SGSM2: variants seen among roughly 807,000 people sequenced by gnomAD.
SGSM2 encodes RUN and TBC1 domain containing 1.
In SGSM2, 89 loss-of-function variants were observed where a neutral mutation model predicts 126.6. The ratio of observed to expected loss-of-function variants is 0.70; its 90% CI spans 0.59 to 0.84. The LOEUF is 0.84. Among genes scored for constraint, SGSM2 ranks in the 40% least tolerant of loss-of-function variants. SGSM2 has a pLI of 0.00. For missense variants in SGSM2, 1,404 were observed against 1,416.6 expected (o/e 0.99, Z 0.14); for synonymous variants, 614 against 574.3 (o/e 1.07, Z -0.99).
intron 2 of SGSM2, among the ~76,000 whole-genome samples, chr17:2,349,637 C>T (rs898857580): frequency 6.6e-6 from 1 of 152,056 alleles, no homozygotes; most frequent in Non-Finnish European, 1.5e-5. Context: ...TCAGAATAAT[C>T]CAGTGGTAGG....
chr17:2,340,219 A>G (rs760312364), intron 1 of SGSM2, among the ~76,000 whole-genome samples: 3 of 150,808 alleles, frequency 2.0e-5, no homozygotes, highest in Non-Finnish European at 4.4e-5. Flanking sequence ...GGTTCAAGCG[A>G]TTTCCCTGCC....
In SGSM2 at chr17:2,363,177, C is replaced by T; in HGVS notation, c.672+43C>T. 1 of 1,551,654 alleles carries T rather than the reference C, an allele frequency of 6.4e-7. No homozygotes were observed. The highest frequency in any genetic ancestry group is 8.7e-7 in the Non-Finnish European group (1 of 1,152,504). ...ACCCTTTGGGCTCATCTGGGCTATG[C>T]CCATGGGCCTGTAGGGACGGGAAAC... On this transcript the variant is annotated intron_variant, in intron 6 of 23. Coordinates refer to ENST00000268989, the MANE Select transcript of SGSM2 (RefSeq NM_014853.3). This position sits in a 1 kb window ranked among gnomAD's most constrained non-coding sequence, Gnocchi z 4.2.
At chr17:2,371,452 C>G (rs201154545) in intron 13 of SGSM2, 37 bp downstream of exon 13, 2 of 1,555,594 alleles carry the variant, frequency 1.3e-6, no homozygotes, top group Non-Finnish European at 1.7e-6. Context: ...TTCCCGTTAG[C>G]GTGTCCAGCC....
intron 17 of SGSM2, 155 bp downstream of exon 17, chr17:2,373,668 GCTAA>G (rs2065992298): frequency 9.3e-6 from 6 of 645,414 alleles, no homozygotes; most frequent in African/African-American, 3.7e-5. Flanking sequence ...ACTGGAAATG[GCTAA>G]CTGTGCCTCT....
intron 12 of SGSM2, among the ~76,000 whole-genome samples, chr17:2,368,910 C>G (rs1166258328): frequency 6.6e-6 from 1 of 152,162 alleles, no homozygotes; most frequent in Non-Finnish European, 1.5e-5. Flanking sequence ...CCTAGCAGAG[C>G]CCTTGGCAGA....
In SGSM2 at chr17:2,377,066, C is replaced by G. The variant is rs1393502623; in HGVS notation, c.2800C>G (p.Gln934Glu). Residue 934 changes from glutamine (Q) to glutamate (E), a missense_variant and splice_region_variant, in exon 21 of 24, where the codon CAG (glutamine) becomes GAG (glutamate). By Grantham distance (29) the Gln-to-Glu change is conservative. Coordinates refer to ENST00000268989, the MANE Select transcript of SGSM2 (RefSeq NM_014853.3). ...THFANMRSLI[Q>E]ILDSELFELM... ...CTTTGCCAACATGCGCTCCCTCATC[C>G]AGGTGAGGCCGGTTGCCACCCATGG... is the stretch of plus-strand genomic sequence containing the variant. 1.2e-6 allele frequency: 2 copies of G among 1,605,876 alleles called. No individual in the cohort carries two copies. Among genetic ancestry groups the G allele is most frequent in the South Asian group, 2.2e-5 (2 of 90,212 alleles).
In SGSM2 at chr17:2,337,935, G is replaced by T. The variant is rs552345031; in HGVS notation, c.57+190G>T. 7.9e-5 allele frequency among the ~76,000 whole-genome samples: 12 copies of T among 152,096 alleles called. No homozygotes were observed. In the East Asian group the frequency reaches 2.1e-3, roughly 27 times the overall value. On this transcript the variant is annotated intron_variant, in intron 1 of 23. Transcript: ENST00000268989. This position sits in a 1 kb window ranked among gnomAD's most constrained non-coding sequence, Gnocchi z 5.1. ...GAGGGCAGCGCCCCTCTGCCCGGGG[G>T]ACCCGGCCGGCGCTCCCGGCTTGTT...
chr17:2,372,886 GGGGC>G lies in SGSM2; in HGVS notation c.1789-66_1789-63del. ...CGCCCCAGCCCATTCTCCGTGGGAT[GGGGC>G]TCACCCAGCTGGGCCACGGTGACTG... On this transcript the variant is annotated intron_variant, in intron 15 of 23. Coordinates refer to ENST00000268989, the MANE Select transcript of SGSM2 (RefSeq NM_014853.3). The surrounding 1 kb of genome is among the most constrained non-coding windows in gnomAD (Gnocchi z 6.0). 2 of 1,530,318 alleles carry G rather than the reference GGGGC, an allele frequency of 1.3e-6. No individual in the cohort carries two copies. The highest frequency in any genetic ancestry group is 1.8e-6 in the Non-Finnish European group (2 of 1,134,910). The allele number at this position is 1,530,318 out of a possible 1,614,324, so 94.8% of individuals were successfully genotyped here.
chr17:2,354,739 T>C (rs1408854606), intron 2 of SGSM2, among the ~76,000 whole-genome samples: 2 of 152,250 alleles, frequency 1.3e-5, no homozygotes, highest in African/African-American at 4.8e-5. Context: ...AATATATGAA[T>C]GGATTCAGCA....
chr17:2,358,870 G>T (rs28553523), intron 2 of SGSM2, among the ~76,000 whole-genome samples: 2 of 81,612 alleles, frequency 2.5e-5, no homozygotes, highest in South Asian at 1.2e-3. Context: ...TGTTGTTGTT[G>T]TTGTTTTTTT....
At chr17:2,364,545 G>T in intron 8 of SGSM2, 51 bp from the exon 9 acceptor site, 1 of 1,593,064 alleles carries the variant, frequency 6.3e-7, no homozygotes. Flanking sequence ...AGGAAGGAAG[G>T]AAGGATGGCA....
chr17:2,364,297 G>A, intron 8 of SGSM2, 114 bp downstream of exon 8: 2 of 1,372,058 alleles, frequency 1.5e-6, no homozygotes, highest in South Asian at 2.5e-5. Flanking sequence ...TCTTTATTTG[G>A]ACGCCAAGAA....
intron 2 of SGSM2, among the ~76,000 whole-genome samples, chr17:2,358,473 G>A (rs2065170679): frequency 6.6e-6 from 1 of 152,230 alleles, no homozygotes; most frequent in East Asian, 1.9e-4. Flanking sequence ...GCTTTGGAAG[G>A]CTGAGGTGGA....
At chr17:2,358,873 G>GTTTTTT (rs759581510) in intron 2 of SGSM2, among the ~76,000 whole-genome samples, 49 of 88,172 alleles carry the variant, frequency 5.6e-4, no homozygotes, top group East Asian at 1.2e-3. Flanking sequence ...TGTTGTTGTT[G>GTTTTTT]TTTTTTTTTT....
intron 2 of SGSM2, among the ~76,000 whole-genome samples, chr17:2,360,122 C>A (rs8076193): frequency 0.13 from 19,431 of 152,124 alleles, 2,035 homozygotes; most frequent in African/African-American, 0.27. Flanking sequence ...GCGGGCGGAT[C>A]ACTTGAGGTC....
chr17:2,348,773 G>A (rs933349320), intron 2 of SGSM2, among the ~76,000 whole-genome samples: 4 of 151,962 alleles, frequency 2.6e-5, no homozygotes, highest in Admixed American at 6.6e-5. Flanking sequence ...GTTTTGTTTC[G>A]TTTTGTTTGA....
rs533054131 is a variant in SGSM2, at chr17:2,373,249, C to G, written c.1918-82C>G. ...CGTCTTGAGTCTGAGACTCAGGACCCAAGGTCCAGTGCAGGCCCAGCTCCT... is the reference window on the plus strand; with the variant it reads ...CGTCTTGAGTCTGAGACTCAGGACCGAAGGTCCAGTGCAGGCCCAGCTCCT... On this transcript the variant is annotated intron_variant, in intron 16 of 23. Transcript: ENST00000268989. 2.7e-3 allele frequency: 4,156 copies of G among 1,547,650 alleles called. 129 individuals are homozygous for G. The South Asian group carries it at 0.047, about 17-fold the overall frequency.
At chr17:2,356,980 A>C (rs1424517139) in intron 2 of SGSM2, among the ~76,000 whole-genome samples, 1 of 149,644 alleles carries the variant, frequency 6.7e-6, no homozygotes, top group Non-Finnish European at 1.5e-5. Context: ...AGGGTTAGGG[A>C]AGGGACCCCA....
intron 17 of SGSM2, 102 bp downstream of exon 17, chr17:2,373,615 C>G: frequency 1.8e-6 from 2 of 1,136,250 alleles, no homozygotes; most frequent in South Asian, 2.9e-5. Flanking sequence ...ACTGGTGGGG[C>G]CCTGCGAGAA....
Sources: gnomAD v4.1 joint callset for allele counts (sites outside exome capture counted in the v4.1 genomes callset) on GRCh38, gnomAD v4.1.1 for gene constraint, Gnocchi (gnomAD v3.1) non-coding constraint, MANE v1.5 for transcripts, NCBI Gene and HGNC (gene_info 2026-07-23, HGNC 2026-07-21) for gene names.